Variants in VIT observed in about 807,000 individuals in gnomAD.
VIT encodes vitrin.
Under a neutral mutation model 78.0 loss-of-function variants are expected in VIT, and 99 were observed. That is an observed-to-expected ratio of 1.27 (90% CI 1.08 to 1.50). VIT has a LOEUF of 1.50. Ranked by LOEUF, VIT falls within the 40% of genes most tolerant of loss-of-function variation. The probability of loss-of-function intolerance (pLI) is 0.00; values close to 1 mark genes in which losing one functional copy is unlikely to be tolerated. For missense variants in VIT, 1,126 were observed against 875.3 expected (o/e 1.29, Z -3.61); for synonymous variants, 374 against 334.3 (o/e 1.12, Z -1.29).
intron 5 of VIT, among the ~76,000 whole-genome samples, chr2:36,756,895 A>G (rs1204816606): frequency 6.6e-6 from 1 of 152,218 alleles, no homozygotes; most frequent in Admixed American, 6.5e-5. Context: ...TTAAAAGAAA[A>G]ATTAATTCTA....
chr2:36,750,963 T>C (rs1668423970), intron 4 of VIT, among the ~76,000 whole-genome samples: 1 of 152,088 alleles, frequency 6.6e-6, no homozygotes, highest in Admixed American at 6.5e-5. Context: ...AAAAGCTAAT[T>C]AAATTCCTAG....
chr2:36,794,709 G>T (rs1208462230), intron 12 of VIT, among the ~76,000 whole-genome samples: 1 of 152,018 alleles, frequency 6.6e-6, no homozygotes, highest in East Asian at 1.9e-4. Flanking sequence ...CCATGCCTTT[G>T]CCCCTAATTA....
intron 2 of VIT, among the ~76,000 whole-genome samples, chr2:36,724,460 C>T (rs1666713699): frequency 6.6e-6 from 1 of 152,180 alleles, no homozygotes; most frequent in Non-Finnish European, 1.5e-5. Flanking sequence ...CCTAGGAAAA[C>T]GAACACAAGA....
intron 10 of VIT, among the ~76,000 whole-genome samples, chr2:36,782,860 C>T (rs577579043): frequency 6.6e-6 from 1 of 152,340 alleles, no homozygotes; most frequent in Admixed American, 6.5e-5. Context: ...TTCCTCCAGT[C>T]CACATCCAAT....
At chr2:36,726,021 A>G (rs903689849) in intron 2 of VIT, among the ~76,000 whole-genome samples, 3 of 151,570 alleles carry the variant, frequency 2.0e-5, no homozygotes, top group Admixed American at 6.6e-5. Flanking sequence ...GTGAGTCGAG[A>G]CTGCACTACT....
At chr2:36,807,783 T>A (rs1666835783) in intron 14 of VIT, among the ~76,000 whole-genome samples, 1 of 152,216 alleles carries the variant, frequency 6.6e-6, no homozygotes. Flanking sequence ...TAAATATTCA[T>A]TTGCCTGGAG....
chr2:36,785,793 A>G (rs1665054977), intron 11 of VIT, among the ~76,000 whole-genome samples: 1 of 152,196 alleles, frequency 6.6e-6, no homozygotes, highest in Non-Finnish European at 1.5e-5. Flanking sequence ...ATTGCCATGC[A>G]ACACTGCAAG....
At chr2:36,703,841 T>A (rs927754559) in intron 1 of VIT, among the ~76,000 whole-genome samples, 3 of 152,100 alleles carry the variant, frequency 2.0e-5, no homozygotes, top group African/African-American at 7.2e-5. Context: ...AGGTTTGGGA[T>A]AGAATTCTGG....
At chr2:36,810,697 G>T (rs977675703) in intron 15 of VIT, among the ~76,000 whole-genome samples, 1 of 150,108 alleles carries the variant, frequency 6.7e-6, no homozygotes. Flanking sequence ...GCAGTAGCAC[G>T]ATCTCTACTC....
At chr2:36,799,912 G>C (rs1338888832) in intron 12 of VIT, among the ~76,000 whole-genome samples, 2 of 152,054 alleles carry the variant, frequency 1.3e-5, no homozygotes, top group Non-Finnish European at 1.5e-5. Context: ...GCTGGGTGTG[G>C]TGACACGCAC....
At chr2:36,781,420 T>A (rs145273789) in intron 9 of VIT, among the ~76,000 whole-genome samples, 1 of 152,262 alleles carries the variant, frequency 6.6e-6, no homozygotes, top group East Asian at 1.9e-4. Flanking sequence ...AAAAACAGAT[T>A]GGGAGGTGGT....
intron 11 of VIT, among the ~76,000 whole-genome samples, chr2:36,784,375 G>A (rs1468885921): frequency 3.3e-5 from 5 of 152,172 alleles, no homozygotes; most frequent in African/African-American, 4.8e-5. Context: ...GCTACCCAAA[G>A]TGTGGTCTGG....
intron 1 of VIT, among the ~76,000 whole-genome samples, chr2:36,709,136 C>T (rs146018175): frequency 2.0e-5 from 3 of 151,980 alleles, no homozygotes; most frequent in East Asian, 1.9e-4. Context: ...AGTGACAGAG[C>T]GAAACTCCGT....
chr2:36,717,759 C>G (rs760647480), intron 2 of VIT, among the ~76,000 whole-genome samples: 4 of 152,128 alleles, frequency 2.6e-5, no homozygotes, highest in African/African-American at 9.7e-5. Flanking sequence ...AGCACAGAAG[C>G]CTTTCAGACA....
intron 3 of VIT, among the ~76,000 whole-genome samples, chr2:36,731,594 A>G (rs1667213285): frequency 6.6e-6 from 1 of 152,112 alleles, no homozygotes; most frequent in Admixed American, 6.6e-5. Flanking sequence ...TTAAACATCC[A>G]CGTCCCTTGC....
At chr2:36,800,006 C>G (rs1666199832) in intron 12 of VIT, among the ~76,000 whole-genome samples, 1 of 149,894 alleles carries the variant, frequency 6.7e-6, no homozygotes, top group African/African-American at 2.5e-5. Context: ...CAAGATCGAG[C>G]CAGTGTACTA....
At chr2:36,812,866 T>A (rs1373389205) in intron 15 of VIT, among the ~76,000 whole-genome samples, 6 of 146,788 alleles carry the variant, frequency 4.1e-5, no homozygotes, top group Non-Finnish European at 7.5e-5. Flanking sequence ...TTCTTCTTTT[T>A]TTTTTTTTTT....
Position 36,796,348 on chromosome 2 carries a change from T to C in VIT, c.1059-4953T>C, listed in dbSNP as rs550294807. 1.2e-3 allele frequency among the ~76,000 whole-genome samples: 183 copies of C among 152,348 alleles called. 1 individual carries two copies. Among genetic ancestry groups the C allele is most frequent in the African/African-American group, 4.3e-3 (179 of 41,584 alleles). ...TATTGTTCTGTTGATGAAAATGTTG[T>C]GACCAGAGGCTCACAGGAACCAAAC... is the stretch of plus-strand genomic sequence containing the variant. On this transcript the variant is annotated intron_variant, in intron 12 of 15. Coordinates refer to ENST00000379242, the MANE Select transcript of VIT (RefSeq NM_053276.4).
chr2:36,735,510 G>A (rs1038855002), intron 3 of VIT, among the ~76,000 whole-genome samples: 1 of 152,140 alleles, frequency 6.6e-6, no homozygotes, highest in African/African-American at 2.4e-5. Flanking sequence ...TAGAAGATTC[G>A]GGGTGGTCCC....
Sources: allele counts gnomAD v4.1 joint callset (sites outside exome capture counted in the v4.1 genomes callset), GRCh38; gene constraint gnomAD v4.1.1; transcripts MANE v1.5; gene names NCBI Gene and HGNC (gene_info 2026-07-23, HGNC 2026-07-21).